Variants in MYOCD observed in about 807,000 individuals in gnomAD.
The protein encoded by MYOCD is myocardin.
MYOCD carries 32 observed loss-of-function variants against 96.1 expected under a neutral mutation model. That is an observed-to-expected ratio of 0.33 (90% confidence interval 0.25 to 0.45). The LOEUF (loss-of-function observed/expected upper bound fraction) is 0.45. Among genes scored for constraint, MYOCD ranks in the 20% least tolerant of loss-of-function variants. MYOCD has a pLI of 1.00. For missense variants in MYOCD, 1,133 were observed against 1,200.6 expected (o/e 0.94, Z 0.83); for synonymous variants, 469 against 469.0 (o/e 1.00, Z 0.00).
chr17:12,766,282 G>C lies in MYOCD; in HGVS notation c.*2638G>C, dbSNP rs2033339144. ...TATCTGAGAGACTAGACCTAGTTAG[G>C]AGGCCTCTGTACTTCTCCAGATTGT... On this transcript the variant is annotated 3_prime_UTR_variant, in exon 14 of 14. Coordinates refer to ENST00000425538, the MANE Select transcript of MYOCD (RefSeq NM_001146312.3). 2 of 152,126 alleles carry C rather than the reference G, an allele frequency of 1.3e-5. No homozygotes were observed. The highest frequency in any genetic ancestry group is 4.8e-5 in the African/African-American group (2 of 41,422). The allele number at this position is 152,126 out of a possible 1,614,324, so 9.4% of individuals were successfully genotyped here.
intron 8 of MYOCD, among the ~76,000 whole-genome samples, chr17:12,745,018 CACT>C (rs1023930386): frequency 1.3e-5 from 2 of 152,124 alleles, no homozygotes; most frequent in Non-Finnish European, 2.9e-5. Context: ...AAAGTATTAG[CACT>C]TTCAAGTTGG....
chr17:12,685,849 C>T (rs772622516), intron 1 of MYOCD, among the ~76,000 whole-genome samples: 4 of 152,172 alleles, frequency 2.6e-5, no homozygotes, highest in African/African-American at 9.7e-5. Context: ...GGGACCTCAA[C>T]AAATAGCAAG....
At chr17:12,745,455 C>T (rs769635214) in intron 8 of MYOCD, among the ~76,000 whole-genome samples, 106 of 152,210 alleles carry the variant, frequency 7.0e-4, no homozygotes, top group Non-Finnish European at 8.8e-4. Flanking sequence ...GTGATCCACC[C>T]GCCTCGGCCT....
At chr17:12,718,172 C>T (rs1597776975) in intron 4 of MYOCD, among the ~76,000 whole-genome samples, 4 of 152,244 alleles carry the variant, frequency 2.6e-5, no homozygotes, top group Middle Eastern at 3.4e-3. Flanking sequence ...GTGGGTTCAA[C>T]GATGAATAAG....
At position 12,666,252 on chromosome 17, in the gene MYOCD, A is replaced by T; in HGVS notation, c.55+9A>T. 2 of 1,602,412 alleles carry T rather than the reference A, an allele frequency of 1.2e-6. No homozygotes were observed. The highest frequency in any genetic ancestry group is 1.7e-6 in the Non-Finnish European group (2 of 1,169,350). On this transcript the variant is annotated intron_variant, in intron 1 of 13. Transcript: ENST00000425538. The stretch of plus-strand genomic sequence containing the variant: ...GAGCAAGTTCAGATCAGGTAGGGCT[A>T]AGGCATTTAGCATTCCTTCTTAAAC...
intron 11 of MYOCD, among the ~76,000 whole-genome samples, chr17:12,757,110 A>G (rs1044129243): frequency 2.6e-5 from 4 of 152,222 alleles, no homozygotes; most frequent in Non-Finnish European, 5.9e-5. Context: ...ACACAGATCC[A>G]TGGACAGGAT....
rs1203048778 is a variant in MYOCD at position 12,752,605 on chromosome 17, C to T, written c.1317C>T (p.Thr439=). ...CCAATTACCAGTCTTCCTCTTCTAC[C>T]AGTGCCCTGTCCAACGGCTTCTACC... is the stretch of plus-strand genomic sequence containing the variant. The part of the protein sequence containing the change: ...TLPNYQSSSS[T]SALSNGFYHF... The change falls in exon 10 of 14, where the codon ACC becomes ACT. Residue 439 remains threonine, a synonymous_variant. Transcript: ENST00000425538. The T allele has an allele frequency of 1.2e-6, 2 of 1,614,148 alleles. No individual in the cohort carries two copies. Among genetic ancestry groups the T allele is most frequent in the Non-Finnish European group, 8.5e-7 (1 of 1,180,032 alleles).
intron 6 of MYOCD, among the ~76,000 whole-genome samples, chr17:12,738,285 C>G (rs181311437): frequency 6.6e-6 from 1 of 152,286 alleles, no homozygotes; most frequent in Admixed American, 6.5e-5. Context: ...GGAAGAACTG[C>G]AAAGCTCATT....
intron 1 of MYOCD, among the ~76,000 whole-genome samples, chr17:12,687,636 AAATT>A (rs1377796167): frequency 6.6e-6 from 1 of 152,266 alleles, no homozygotes; most frequent in Non-Finnish European, 1.5e-5. Flanking sequence ...GTTTAAATAT[AAATT>A]AATTTATGTT....
intron 4 of MYOCD, among the ~76,000 whole-genome samples, chr17:12,719,110 G>A (rs571678225): frequency 6.9e-6 from 1 of 144,866 alleles, no homozygotes; most frequent in East Asian, 2.2e-4. Context: ...GGGAGGCGGA[G>A]GTTGCAGTGA....
At chr17:12,693,898 G>A (rs1275855712) in intron 1 of MYOCD, among the ~76,000 whole-genome samples, 1 of 152,076 alleles carries the variant, frequency 6.6e-6, no homozygotes, top group Non-Finnish European at 1.5e-5. Context: ...CTTTGATTCT[G>A]GAAGCCTAGA....
rs144879473 is a variant in MYOCD, at chr17:12,705,362, T to C, written c.121+169T>C. ...ACCTTGGATGCTTTGCCCCGACTGC[T>C]ACCTACTCACCTGCAAGGGGCTCCT... is the stretch of plus-strand genomic sequence containing the variant. On this transcript the variant is annotated intron_variant, in intron 2 of 13. Transcript: ENST00000425538. 10 of 543,564 alleles carry C rather than the reference T, an allele frequency of 1.8e-5. No homozygotes were observed. In the East Asian group the frequency reaches 2.5e-4, roughly 13 times the overall value. The allele number at this position is 543,564 out of a possible 1,614,324, so 33.7% of individuals were successfully genotyped here.
chr17:12,750,010 C>T (rs2032799306), intron 9 of MYOCD, among the ~76,000 whole-genome samples: 1 of 151,916 alleles, frequency 6.6e-6, no homozygotes, highest in Admixed American at 6.6e-5. Context: ...CCATCATGCC[C>T]AGCTAATTTT....
intron 1 of MYOCD, among the ~76,000 whole-genome samples, chr17:12,675,628 A>C (rs1281602487): frequency 6.6e-6 from 1 of 152,190 alleles, no homozygotes; most frequent in Admixed American, 6.5e-5. Flanking sequence ...GGAGGCCGAG[A>C]TGGGTGGATC....
At position 12,753,210 on chromosome 17, in the gene MYOCD, G is replaced by A. The variant is rs777698406; in HGVS notation, c.1922G>A (p.Gly641Glu). Residue 641 changes from glycine to glutamate, a missense_variant, in exon 10 of 14, where the codon GGG becomes GAG. Physicochemically the swap from Gly to Glu is moderately conservative, Grantham distance 98 (BLOSUM62 -2). Transcript: ENST00000425538. ...TGTTCCCCTCAGCATTCACCGCTGG[G>A]GGCTGTGAAAAGCCCACAGCACATC... is the stretch of plus-strand genomic sequence containing the variant. ...PQCSPQHSPL[G>E]AVKSPQHISL... 6.2e-7 allele frequency: 1 copy of A among 1,614,048 alleles called. No homozygotes were observed. The highest frequency in any genetic ancestry group is 1.3e-5 in the African/African-American group (1 of 74,980).
chr17:12,670,353 C>G (rs114592958), intron 1 of MYOCD, among the ~76,000 whole-genome samples: 7,970 of 152,246 alleles, frequency 0.052, 494 homozygotes, highest in African/African-American at 0.15. Flanking sequence ...AGTCATCTCT[C>G]TCTGTCGTTT....
chr17:12,681,381 A>G (rs1161437974), intron 1 of MYOCD, among the ~76,000 whole-genome samples: 1 of 152,208 alleles, frequency 6.6e-6, no homozygotes, highest in African/African-American at 2.4e-5. Context: ...GTGAGAGAGA[A>G]TTCCTTTTGA....
At chr17:12,695,425 A>G (rs2030698535) in intron 1 of MYOCD, among the ~76,000 whole-genome samples, 1 of 152,186 alleles carries the variant, frequency 6.6e-6, no homozygotes, top group South Asian at 2.1e-4. Flanking sequence ...ATCGCAACAT[A>G]TAGCTTTTGG....
intron 1 of MYOCD, among the ~76,000 whole-genome samples, chr17:12,677,153 A>G (rs2150634420): frequency 6.6e-6 from 1 of 152,328 alleles, no homozygotes; most frequent in African/African-American, 2.4e-5. Context: ...ATGCAAGAAC[A>G]GAAAACCAGA....
Sources: allele counts gnomAD v4.1 joint callset (sites outside exome capture counted in the v4.1 genomes callset), GRCh38; gene constraint gnomAD v4.1.1; transcripts MANE v1.5; gene names NCBI Gene and HGNC (gene_info 2026-07-23, HGNC 2026-07-21).